Variants in PARM1 observed in about 807,000 individuals in gnomAD.
PARM1 encodes the protein WSC4, cell wall integrity and stress response component 4 homolog.
In PARM1, 14 loss-of-function variants were observed where a neutral mutation model predicts 24.6. The observed-to-expected ratio is 0.57, with a 90% confidence interval of 0.38 to 0.89. The LOEUF (loss-of-function observed/expected upper bound fraction) is 0.89. PARM1 is among the 40% of genes least tolerant of loss of function. PARM1 has a pLI of 0.00. For missense variants in PARM1, 362 were observed against 380.4 expected, an observed-to-expected ratio of 0.95 and a Z score of 0.40; for synonymous variants, 179 against 156.6, an observed-to-expected ratio of 1.14 and a Z score of -1.07.
chr4:75,007,856 G>A (rs1722801577), intron 1 of PARM1, among the ~76,000 whole-genome samples: 1 of 152,232 alleles, frequency 6.6e-6, no homozygotes. Flanking sequence ...TGCCATGTGA[G>A]GAAAGGTCAC....
intron 1 of PARM1, among the ~76,000 whole-genome samples, chr4:74,976,142 A>T (rs1722134864): frequency 6.6e-6 from 1 of 152,026 alleles, no homozygotes; most frequent in African/African-American, 2.4e-5. Flanking sequence ...GAATCATGTA[A>T]ACTCTTGGTG....
chr4:74,976,444 C>G (rs751808996), intron 1 of PARM1, among the ~76,000 whole-genome samples: 65 of 152,174 alleles, frequency 4.3e-4, no homozygotes, highest in African/African-American at 1.5e-3. Context: ...AGACAGAACT[C>G]TGAACTCTCT....
chr4:74,991,514 C>CAG (rs10604403), intron 1 of PARM1, among the ~76,000 whole-genome samples: 10 of 151,198 alleles, frequency 6.6e-5, no homozygotes, highest in East Asian at 5.8e-4. Flanking sequence ...ACCAGAGATG[C>CAG]AGAGAGAGAG....
chr4:75,020,497 C>G (rs543229521), intron 2 of PARM1, among the ~76,000 whole-genome samples: 95 of 152,110 alleles, frequency 6.2e-4, no homozygotes, highest in African/African-American at 1.8e-3. Context: ...TCATTTCCCC[C>G]CCCCCGCACC....
intron 1 of PARM1, among the ~76,000 whole-genome samples, chr4:74,971,617 T>C (rs79087535): frequency 0.018 from 2,670 of 152,284 alleles, 66 homozygotes; most frequent in African/African-American, 0.061. Flanking sequence ...AATACAGTCA[T>C]GTTTTTGTTT....
chr4:75,027,701 C>T (rs1723209465), intron 2 of PARM1, among the ~76,000 whole-genome samples: 1 of 152,300 alleles, frequency 6.6e-6, no homozygotes, highest in South Asian at 2.1e-4. Flanking sequence ...CCTGAACGAT[C>T]TAAGGTTGCT....
At chr4:74,998,871 A>C (rs1402120649) in intron 1 of PARM1, among the ~76,000 whole-genome samples, 1 of 152,246 alleles carries the variant, frequency 6.6e-6, no homozygotes, top group African/African-American at 2.4e-5. Context: ...ATTCCATAAG[A>C]AAATAAAACC....
At chr4:75,037,412 C>T (rs1012847921) in intron 3 of PARM1, among the ~76,000 whole-genome samples, 2 of 152,176 alleles carry the variant, frequency 1.3e-5, no homozygotes, top group Non-Finnish European at 2.9e-5. Flanking sequence ...AAATAGAATG[C>T]TTGGCAAGCT....
intron 1 of PARM1, among the ~76,000 whole-genome samples, chr4:74,937,625 C>T (rs1039826266): frequency 6.6e-6 from 1 of 152,148 alleles, no homozygotes; most frequent in Non-Finnish European, 1.5e-5. Flanking sequence ...TATAGGTATA[C>T]AGTGCTGGAG....
chr4:74,944,237 T>C (rs996335856), intron 1 of PARM1, among the ~76,000 whole-genome samples: 1 of 152,244 alleles, frequency 6.6e-6, no homozygotes, highest in African/African-American at 2.4e-5. Flanking sequence ...AAAAATAACA[T>C]GCTTGCCTTG....
chr4:75,038,607 G>A (rs779060344), intron 3 of PARM1, among the ~76,000 whole-genome samples: 7 of 152,168 alleles, frequency 4.6e-5, no homozygotes, highest in Admixed American at 6.5e-5. Context: ...TGGCAGTTTC[G>A]TTAGTGCTAT....
At chr4:74,977,367 G>A (rs1457649742) in intron 1 of PARM1, among the ~76,000 whole-genome samples, 1 of 152,146 alleles carries the variant, frequency 6.6e-6, no homozygotes, top group Non-Finnish European at 1.5e-5. Flanking sequence ...CTCAGTGCTT[G>A]AAGACTATCT....
intron 1 of PARM1, among the ~76,000 whole-genome samples, chr4:74,948,091 G>C (rs1431643367): frequency 6.6e-6 from 1 of 152,142 alleles, no homozygotes; most frequent in Non-Finnish European, 1.5e-5. Context: ...CCAACCAAAA[G>C]TCTCTTCATT....
intron 2 of PARM1, among the ~76,000 whole-genome samples, chr4:75,024,745 C>A (rs1723152136): frequency 6.6e-6 from 1 of 152,200 alleles, no homozygotes; most frequent in African/African-American, 2.4e-5. Context: ...GTCGCCCAGG[C>A]TGGACTGTGA....
intron 2 of PARM1, among the ~76,000 whole-genome samples, chr4:75,014,478 A>G (rs1722940692): frequency 6.6e-6 from 1 of 152,106 alleles, no homozygotes; most frequent in South Asian, 2.1e-4. Context: ...GAAAGGAGGG[A>G]GTAGTAACCA....
At chr4:74,980,139 A>AT (rs916858947) in intron 1 of PARM1, among the ~76,000 whole-genome samples, 1 of 152,230 alleles carries the variant, frequency 6.6e-6, no homozygotes, top group African/African-American at 2.4e-5. Context: ...AGAGAAAGAA[A>AT]TAAAGTGTTT....
chr4:75,027,351 A>G (rs947991442), intron 2 of PARM1, among the ~76,000 whole-genome samples: 1 of 151,966 alleles, frequency 6.6e-6, no homozygotes, highest in Non-Finnish European at 1.5e-5. Context: ...TGTAGGGTGG[A>G]TTTGGGGTAA....
chr4:74,974,040 C>T (rs1722094461), intron 1 of PARM1, among the ~76,000 whole-genome samples: 1 of 152,050 alleles, frequency 6.6e-6, no homozygotes, highest in South Asian at 2.1e-4. Flanking sequence ...GGCCTGAGAG[C>T]CAGGGTTGTT....
intron 2 of PARM1, among the ~76,000 whole-genome samples, chr4:75,020,897 C>G (rs1000531670): frequency 6.7e-6 from 1 of 149,538 alleles, no homozygotes; most frequent in African/African-American, 2.6e-5. Context: ...TCTTATGGAG[C>G]CCCCTGTCCA....
Sources: gnomAD v4.1 joint callset for allele counts (sites outside exome capture counted in the v4.1 genomes callset) on GRCh38, gnomAD v4.1.1 for gene constraint, MANE v1.5 for transcripts, NCBI Gene and HGNC (gene_info 2026-07-23, HGNC 2026-07-21) for gene names.